Variants in DPP10 observed in about 807,000 individuals in gnomAD.
DPP10 encodes the protein dipeptidyl peptidase like 10.
Under a neutral mutation model 120.9 loss-of-function variants are expected in DPP10, and 33 were observed. The observed-to-expected ratio is 0.27, with a 90% CI of 0.21 to 0.37. The LOEUF is 0.37. DPP10 is among the 10% of genes least tolerant of loss of function. The pLI, the probability that DPP10 is intolerant of heterozygous loss-of-function variation, is 1.00. For missense variants in DPP10, 816 were observed against 942.8 expected, an observed-to-expected ratio of 0.87 and a Z score of 1.76; for synonymous variants, 337 against 326.1, an observed-to-expected ratio of 1.03 and a Z score of -0.36.
At chr2:114,633,699 C>T (rs910501689) in intron 1 of DPP10, among the ~76,000 whole-genome samples, 2 of 151,562 alleles carry the variant, frequency 1.3e-5, no homozygotes, top group African/African-American at 4.9e-5. Flanking sequence ...CTGCAACCTC[C>T]GCCTCCTGAG....
intron 1 of DPP10, among the ~76,000 whole-genome samples, chr2:114,554,816 A>G (rs1688159293): frequency 6.6e-6 from 1 of 152,208 alleles, no homozygotes; most frequent in African/African-American, 2.4e-5. Context: ...CTTGGATACA[A>G]CAGCATGCAC....
intron 1 of DPP10, among the ~76,000 whole-genome samples, chr2:114,688,005 G>A (rs1342685764): frequency 2.0e-5 from 3 of 151,944 alleles, no homozygotes; most frequent in Non-Finnish European, 2.9e-5. Flanking sequence ...TCCACTTATA[G>A]ATGATAAATT....
At chr2:114,975,843 G>T (rs1344718778) in intron 1 of DPP10, among the ~76,000 whole-genome samples, 2 of 151,976 alleles carry the variant, frequency 1.3e-5, no homozygotes, top group Admixed American at 1.3e-4. Context: ...TAGAGATGGG[G>T]TTTCACCATG....
Position 115,343,870 on chromosome 2 carries a change from A to G in DPP10, c.229A>G (p.Lys77Glu), listed in dbSNP as rs770252497. ...ATTGTCTTTGGAAGACCTCTTTAGG[A>G]AAGACTTTGTGCTTCACGATCCAGA... ...TRLSLEDLFR[K>E]DFVLHDPEAR... The change falls in exon 3 of 26, where the codon AAA becomes GAA. Residue 77 changes from lysine (K) to glutamate (E), a missense_variant. This residue lies in a region of DPP10 where 182 missense variants were observed against 207.4 expected (regional missense o/e 0.88). Transcript: ENST00000410059. 6.2e-6 allele frequency: 10 copies of G among 1,612,202 alleles called. No individual in the cohort carries two copies. The East Asian group carries it at 1.8e-4, about 29-fold the overall frequency.
At chr2:115,379,865 G>T (rs4849395) in intron 3 of DPP10, among the ~76,000 whole-genome samples, 2 of 151,988 alleles carry the variant, frequency 1.3e-5, no homozygotes, top group Non-Finnish European at 2.9e-5. Flanking sequence ...GAGCGGTTTT[G>T]AGTGAGATTC....
chr2:114,559,911 A>T (rs948346390), intron 1 of DPP10, among the ~76,000 whole-genome samples: 2 of 144,472 alleles, frequency 1.4e-5, no homozygotes, highest in African/African-American at 5.1e-5. Context: ...AAAAAAAAAA[A>T]ACAAAGGAAG....
intron 1 of DPP10, among the ~76,000 whole-genome samples, chr2:114,827,051 C>T (rs956837475): frequency 6.6e-6 from 1 of 151,896 alleles, no homozygotes; most frequent in Non-Finnish European, 1.5e-5. Context: ...AGTGATTTTT[C>T]TAGGTTTTAT....
intron 1 of DPP10, among the ~76,000 whole-genome samples, chr2:114,500,808 C>T (rs1055209103): frequency 2.6e-5 from 4 of 152,124 alleles, no homozygotes; most frequent in Admixed American, 6.6e-5. Context: ...GAGAAAGGAG[C>T]CCAACACAGG....
At chr2:114,449,211 A>G (rs909378832) in intron 1 of DPP10, among the ~76,000 whole-genome samples, 3 of 152,156 alleles carry the variant, frequency 2.0e-5, no homozygotes, top group African/African-American at 7.2e-5. Flanking sequence ...GAATATCATC[A>G]CATTAGCCTT....
intron 1 of DPP10, among the ~76,000 whole-genome samples, chr2:115,076,381 T>G (rs1707799269): frequency 6.6e-6 from 1 of 151,688 alleles, no homozygotes; most frequent in African/African-American, 2.4e-5. Flanking sequence ...TAAAAATATT[T>G]TTTTTTAGAC....
At chr2:115,233,314 C>G (rs564295914) in intron 1 of DPP10, among the ~76,000 whole-genome samples, 16 of 151,746 alleles carry the variant, frequency 1.1e-4, no homozygotes, top group Non-Finnish European at 1.9e-4. Flanking sequence ...CTGTGCTTCC[C>G]GAAAGAAAAC....
At chr2:115,192,509 A>T (rs1319878828) in intron 1 of DPP10, among the ~76,000 whole-genome samples, 1 of 152,232 alleles carries the variant, frequency 6.6e-6, no homozygotes, top group Non-Finnish European at 1.5e-5. Context: ...AACAAGATTT[A>T]CCTCATAAGG....
chr2:115,290,799 A>T (rs2060620814), intron 1 of DPP10, among the ~76,000 whole-genome samples: 1 of 152,118 alleles, frequency 6.6e-6, no homozygotes, highest in South Asian at 2.1e-4. Flanking sequence ...GACTTCTCTA[A>T]CACTCTAGCA....
chr2:115,181,414 T>A (rs1234799954), intron 1 of DPP10, among the ~76,000 whole-genome samples: 4 of 152,330 alleles, frequency 2.6e-5, no homozygotes, highest in African/African-American at 9.6e-5. Context: ...GTGTTGTTTA[T>A]CTTGACTGCA....
At chr2:114,822,810 C>T (rs896313346) in intron 1 of DPP10, among the ~76,000 whole-genome samples, 1 of 152,146 alleles carries the variant, frequency 6.6e-6, no homozygotes, top group Non-Finnish European at 1.5e-5. Flanking sequence ...CAAAATGCCA[C>T]CAGTCTCTTT....
intron 1 of DPP10, among the ~76,000 whole-genome samples, chr2:114,513,221 A>G (rs1468517896): frequency 6.6e-6 from 1 of 152,142 alleles, no homozygotes; most frequent in Non-Finnish European, 1.5e-5. Context: ...CAACTTGGGA[A>G]TAAGAAACTG....
At chr2:115,285,768 T>C (rs369753705) in intron 1 of DPP10, among the ~76,000 whole-genome samples, 2 of 152,076 alleles carry the variant, frequency 1.3e-5, no homozygotes, top group South Asian at 4.2e-4. Context: ...CCAAGAACAA[T>C]TGGGTTGTGG....
At chr2:115,163,332 C>T (rs944738462) in intron 1 of DPP10, among the ~76,000 whole-genome samples, 4 of 151,922 alleles carry the variant, frequency 2.6e-5, no homozygotes, top group Non-Finnish European at 4.4e-5. Flanking sequence ...TTCTTTTCTC[C>T]TCTTCCCTCC....
At chr2:115,054,160 T>C (rs1171243881) in intron 1 of DPP10, among the ~76,000 whole-genome samples, 3 of 152,208 alleles carry the variant, frequency 2.0e-5, no homozygotes, top group Non-Finnish European at 4.4e-5. Flanking sequence ...AACTTAATCT[T>C]CAGAAACCCG....
Sources: allele counts gnomAD v4.1 joint callset (sites outside exome capture counted in the v4.1 genomes callset), GRCh38; gene constraint gnomAD v4.1.1; regional missense constraint gnomAD v4.1.1; transcripts MANE v1.5; gene names NCBI Gene and HGNC (gene_info 2026-07-23, HGNC 2026-07-21).